The following PDZRN3 variants were observed in gnomAD, a reference collection of about 807,000 sequenced individuals.
PDZRN3 encodes the protein PDZ domain containing ring finger 3.
PDZRN3 carries 38 observed loss-of-function variants against 85.7 expected under a neutral mutation model. The observed-to-expected ratio is 0.44, with a 90% confidence interval of 0.34 to 0.58. PDZRN3 has a LOEUF of 0.58. Ranked by LOEUF, PDZRN3 falls within the 20% of genes least tolerant of loss-of-function variation. The probability of loss-of-function intolerance (pLI) is 0.01; values close to 1 mark genes in which losing one functional copy is unlikely to be tolerated. For missense variants in PDZRN3, 1,629 were observed against 1,506.4 expected (o/e 1.08, Z -1.35); for synonymous variants, 759 against 638.0 (o/e 1.19, Z -2.86).
intron 3 of PDZRN3, among the ~76,000 whole-genome samples, chr3:73,596,915 T>C (rs1032048259): frequency 2.2e-4 from 34 of 152,174 alleles, no homozygotes; most frequent in African/African-American, 8.2e-4. Context: ...TACTGTTACA[T>C]ATGAGAATGT....
intron 3 of PDZRN3, among the ~76,000 whole-genome samples, chr3:73,489,627 C>T (rs1291178723): frequency 8.2e-6 from 1 of 122,496 alleles, no homozygotes; most frequent in African/African-American, 3.1e-5. Flanking sequence ...AGCTGGAGTG[C>T]AGTGGCATGA....
chr3:73,431,316 AG>A (rs1444276758), intron 3 of PDZRN3, among the ~76,000 whole-genome samples: 1 of 152,232 alleles, frequency 6.6e-6, no homozygotes, highest in Non-Finnish European at 1.5e-5. Context: ...AGCTCACAGC[AG>A]CCCCCAAAAA....
Position 73,624,391 on chromosome 3 carries a change from G to T in PDZRN3, c.435C>A (p.Gly145=). 1 of 1,307,206 alleles carries T rather than the reference G, an allele frequency of 7.6e-7. No individual in the cohort carries two copies. The highest frequency in any genetic ancestry group is 9.7e-7 in the Non-Finnish European group (1 of 1,033,412). The allele number at this position is 1,307,206 out of a possible 1,614,324, so 81.0% of individuals were successfully genotyped here. A position where few individuals can be genotyped will look rare whatever the true frequency, so the allele number is the denominator to read the frequency against. ...CGCCGTGCGTCAAGGGTAGCCCGCA[G>T]CCCTCCTGGCAGCGGCCCACTGGCC... ...DARPVGRCQE[G]CGLPLTHGEQ... The change falls in exon 1 of 10, where the codon GGC becomes GGA. Residue 145 remains glycine (G), a synonymous_variant. Coordinates refer to ENST00000263666, the MANE Select transcript of PDZRN3 (RefSeq NM_015009.3).
chr3:73,446,833 G>C (rs1702757329), intron 3 of PDZRN3, among the ~76,000 whole-genome samples: 1 of 151,900 alleles, frequency 6.6e-6, no homozygotes, highest in African/African-American at 2.4e-5. Flanking sequence ...ACTGCATCGA[G>C]TGAGTAGGTT....
chr3:73,449,377 A>AG (rs1301268795), intron 3 of PDZRN3, among the ~76,000 whole-genome samples: 1 of 151,704 alleles, frequency 6.6e-6, no homozygotes, highest in Non-Finnish European at 1.5e-5. Flanking sequence ...AAAAAAAAAA[A>AG]GAGAGAGAGG....
At chr3:73,387,561 A>ATGTT (rs1190513642) in intron 8 of PDZRN3, among the ~76,000 whole-genome samples, 6 of 152,190 alleles carry the variant, frequency 3.9e-5, no homozygotes, top group African/African-American at 1.4e-4. Flanking sequence ...TTATCATTCA[A>ATGTT]TGTTTCTTTT....
chr3:73,554,353 GACACACACACACAC>G (rs35130068), intron 3 of PDZRN3, among the ~76,000 whole-genome samples: 6 of 147,664 alleles, frequency 4.1e-5, no homozygotes, highest in South Asian at 2.2e-4. Flanking sequence ...GTTGAGAGAA[GACACACACACACAC>G]ACACACACAC....
intron 3 of PDZRN3, among the ~76,000 whole-genome samples, chr3:73,558,222 G>GA (rs5850120): frequency 0.94 from 136,363 of 145,056 alleles, 64,126 homozygotes; most frequent in East Asian, 0.98. Flanking sequence ...TTGGGTATGT[G>GA]AAAAAAAAAA....
intron 3 of PDZRN3, among the ~76,000 whole-genome samples, chr3:73,429,987 A>C (rs1475640740): frequency 6.6e-6 from 1 of 152,218 alleles, no homozygotes; most frequent in Non-Finnish European, 1.5e-5. Flanking sequence ...AAAGGCAAGC[A>C]TGATTTTTGG....
chr3:73,489,575 CTTTT>C (rs371602592), intron 3 of PDZRN3, among the ~76,000 whole-genome samples: 2 of 80,096 alleles, frequency 2.5e-5, no homozygotes, highest in African/African-American at 4.8e-5. Flanking sequence ...AGTTTCTTTT[CTTTT>C]TTTTTTTTTT....
At chr3:73,533,461 CTTTTT>C (rs569996617) in intron 3 of PDZRN3, among the ~76,000 whole-genome samples, 1 of 151,908 alleles carries the variant, frequency 6.6e-6, no homozygotes, top group Non-Finnish European at 1.5e-5. Context: ...ACATATCAAT[CTTTTT>C]TTTATTTTGA....
At chr3:73,405,039 C>A (rs1451283260) in intron 3 of PDZRN3, among the ~76,000 whole-genome samples, 7 of 152,150 alleles carry the variant, frequency 4.6e-5, no homozygotes, top group African/African-American at 1.7e-4. Flanking sequence ...TCAAAGCCTG[C>A]ACTTATTGAG....
At chr3:73,410,517 T>C (rs1219888782) in intron 3 of PDZRN3, among the ~76,000 whole-genome samples, 1 of 152,220 alleles carries the variant, frequency 6.6e-6, no homozygotes, top group Non-Finnish European at 1.5e-5. Flanking sequence ...CTAGATTTGG[T>C]ATTTTTACAA....
chr3:73,383,592 G>A lies in PDZRN3; in HGVS notation c.2974C>T (p.Arg992Cys), dbSNP rs1576012641. Residue 992 changes from arginine to cysteine, a missense_variant, in exon 10 of 10, where the codon CGC becomes TGC. Coordinates refer to ENST00000263666, the MANE Select transcript of PDZRN3 (RefSeq NM_015009.3). ...AACCTGCTCTGCATCATGAACTCGC[G>A]CCGCCGCCGCTGCTCCTTGGCCTTC... ...LVKAKEQRRR[R>C]EFMMQSRLDC... 3.1e-6 allele frequency: 5 copies of A among 1,613,806 alleles called. No homozygotes were observed. Among genetic ancestry groups the A allele is most frequent in the African/African-American group, 1.3e-5 (1 of 74,884 alleles).
intron 3 of PDZRN3, among the ~76,000 whole-genome samples, chr3:73,496,883 A>C (rs1703877914): frequency 6.6e-6 from 1 of 152,186 alleles, no homozygotes; most frequent in South Asian, 2.1e-4. Flanking sequence ...CTAACTGAGG[A>C]CACAGTTTCT....
chr3:73,587,977 G>A (rs1015423449), intron 3 of PDZRN3, among the ~76,000 whole-genome samples: 5 of 152,116 alleles, frequency 3.3e-5, no homozygotes, highest in African/African-American at 7.2e-5. Context: ...TTCTAAAAAC[G>A]AAACCAAACA....
chr3:73,521,369 G>A (rs1447940566), intron 3 of PDZRN3, among the ~76,000 whole-genome samples: 1 of 152,144 alleles, frequency 6.6e-6, no homozygotes, highest in African/African-American at 2.4e-5. Context: ...GGATCAAAAT[G>A]TGCATTTGGG....
intron 3 of PDZRN3, among the ~76,000 whole-genome samples, chr3:73,498,688 G>A (rs755991074): frequency 2.0e-5 from 3 of 151,824 alleles, no homozygotes; most frequent in African/African-American, 4.8e-5. Context: ...GGGTTCAAGC[G>A]ATTCTCCTGC....
At chr3:73,418,312 G>C (rs1702132150) in intron 3 of PDZRN3, among the ~76,000 whole-genome samples, 1 of 152,138 alleles carries the variant, frequency 6.6e-6, no homozygotes, top group Non-Finnish European at 1.5e-5. Flanking sequence ...AAATAAACAT[G>C]TTTGTGGAAA....
Sources: allele counts gnomAD v4.1 joint callset (sites outside exome capture counted in the v4.1 genomes callset), GRCh38; gene constraint gnomAD v4.1.1; transcripts MANE v1.5; gene names NCBI Gene and HGNC (gene_info 2026-07-23, HGNC 2026-07-21).